Variants in USH2A observed in about 807,000 individuals in gnomAD.
USH2A encodes usherin.
A neutral mutation model predicts 538.9 loss-of-function variants in USH2A; 443 were observed. That is an observed-to-expected ratio of 0.82 (90% CI 0.76 to 0.89). The LOEUF is 0.89. Ranked by LOEUF, USH2A falls within the 40% of genes least tolerant of loss-of-function variation. The pLI is 0.00. For synonymous variants in USH2A, 2,413 were observed against 2,273.5 expected (o/e 1.06, Z -1.75); for missense variants, 6,633 against 6,324.8 (o/e 1.05, Z -1.65).
intron 58 of USH2A, among the ~76,000 whole-genome samples, chr1:215,744,105 T>A (rs80150232): frequency 1.3e-5 from 2 of 152,338 alleles, no homozygotes; most frequent in African/African-American, 4.8e-5. Flanking sequence ...CCAATTTTGC[T>A]TGTGACAATA....
chr1:215,764,699 C>T (rs1284826000), intron 56 of USH2A, among the ~76,000 whole-genome samples: 5 of 151,962 alleles, frequency 3.3e-5, no homozygotes, highest in Admixed American at 6.6e-5. Flanking sequence ...TGATGTACTT[C>T]GAAAATGGCA....
chr1:216,200,234 T>G lies in USH2A; in HGVS notation c.3317-113A>C, dbSNP rs141911640. On this transcript the variant is annotated intron_variant, in intron 16 of 71. Transcript: ENST00000307340. Reference sequence around the variant, plus strand: ...AATTACATAAACTATACCAATCTACTCTTTTGATTAAGGATACATTTCATA... The same window carrying G: ...AATTACATAAACTATACCAATCTACGCTTTTGATTAAGGATACATTTCATA... 9.9e-6 allele frequency: 11 copies of G among 1,109,678 alleles called. No homozygotes were observed. The East Asian group carries it at 2.6e-4, about 26-fold the overall frequency. 68.7% of individuals were successfully genotyped at this position (1,109,678 alleles called of 1,614,324 possible).
chr1:215,637,245 G>A (rs762467301), intron 69 of USH2A, among the ~76,000 whole-genome samples: 2 of 152,086 alleles, frequency 1.3e-5, no homozygotes, highest in African/African-American at 4.8e-5. Context: ...TTGGTTTTCC[G>A]GCATCACTCA....
intron 21 of USH2A, among the ~76,000 whole-genome samples, chr1:216,153,872 C>T (rs1397234280): frequency 6.6e-6 from 1 of 152,196 alleles, no homozygotes; most frequent in Non-Finnish European, 1.5e-5. Context: ...CCACTCAACA[C>T]ATTTTAAGTG....
At chr1:215,820,017 A>C (rs1662968816) in intron 47 of USH2A, among the ~76,000 whole-genome samples, 2 of 151,790 alleles carry the variant, frequency 1.3e-5, no homozygotes, top group African/African-American at 4.8e-5. Flanking sequence ...TAGAAGGAAC[A>C]TTCTTCAATC....
intron 32 of USH2A, among the ~76,000 whole-genome samples, chr1:216,012,301 T>C (rs1271595584): frequency 6.6e-6 from 1 of 152,074 alleles, no homozygotes; most frequent in Non-Finnish European, 1.5e-5. Flanking sequence ...TTCCATCTGC[T>C]ATTCTACTAC....
intron 58 of USH2A, among the ~76,000 whole-genome samples, chr1:215,756,424 A>G (rs1454239163): frequency 6.6e-6 from 1 of 152,232 alleles, no homozygotes; most frequent in Non-Finnish European, 1.5e-5. Flanking sequence ...CTTCCCAGTC[A>G]TATGGCAAAG....
chr1:216,408,144 T>C (rs2039427106), intron 3 of USH2A, among the ~76,000 whole-genome samples: 1 of 152,178 alleles, frequency 6.6e-6, no homozygotes, highest in Non-Finnish European at 1.5e-5. Flanking sequence ...TGTTTAAATG[T>C]TAATTTATTC....
chr1:215,659,033 A>T (rs77974197), intron 64 of USH2A, among the ~76,000 whole-genome samples: 2,299 of 152,302 alleles, frequency 0.015, 35 homozygotes, highest in Non-Finnish European at 0.025. Flanking sequence ...CTGTTCTATG[A>T]GCTGGGGATA....
chr1:216,111,127 G>A (rs1168616371), intron 21 of USH2A, among the ~76,000 whole-genome samples: 8 of 152,196 alleles, frequency 5.3e-5, no homozygotes, highest in Admixed American at 4.6e-4. Context: ...AGGAGGTTGC[G>A]GCAAGGTAAA....
chr1:216,058,189 A>G (rs1023048362), intron 30 of USH2A, among the ~76,000 whole-genome samples: 4 of 149,420 alleles, frequency 2.7e-5, no homozygotes, highest in Non-Finnish European at 5.9e-5. Context: ...GCCTATGAAC[A>G]TCCCGCCTCT....
intron 50 of USH2A, among the ~76,000 whole-genome samples, chr1:215,796,263 G>A (rs1662131829): frequency 6.7e-6 from 1 of 150,096 alleles, no homozygotes; most frequent in Admixed American, 6.7e-5. Context: ...TGCAGAGACT[G>A]CATTTTTTTA....
intron 64 of USH2A, among the ~76,000 whole-genome samples, chr1:215,665,288 C>A (rs1178494261): frequency 6.6e-6 from 1 of 152,186 alleles, no homozygotes; most frequent in African/African-American, 2.4e-5. Context: ...AGTTCAGACC[C>A]CATGCCATGA....
chr1:216,288,034 G>A (rs1221126755), intron 11 of USH2A, among the ~76,000 whole-genome samples: 1 of 152,138 alleles, frequency 6.6e-6, no homozygotes, highest in Non-Finnish European at 1.5e-5. Flanking sequence ...TACAGAGCCT[G>A]TAATGAGAGT....
chr1:215,793,634 A>AC (rs1473862372), intron 50 of USH2A, among the ~76,000 whole-genome samples: 1 of 152,148 alleles, frequency 6.6e-6, no homozygotes, highest in African/African-American at 2.4e-5. Flanking sequence ...CCACCCTTAC[A>AC]CCATGGACTT....
intron 61 of USH2A, among the ~76,000 whole-genome samples, chr1:215,717,511 A>G (rs1406683381): frequency 6.6e-6 from 1 of 152,184 alleles, no homozygotes; most frequent in Non-Finnish European, 1.5e-5. Flanking sequence ...ACCATGCATG[A>G]CAAAATGATT....
chr1:216,285,370 T>C (rs2036861507), intron 11 of USH2A, among the ~76,000 whole-genome samples: 2 of 152,208 alleles, frequency 1.3e-5, no homozygotes, highest in Admixed American at 1.3e-4. Context: ...AGCTTCCACA[T>C]GGTGTTGGGC....
intron 58 of USH2A, 102 bp downstream of exon 58, chr1:215,758,493 T>C: frequency 7.0e-7 from 1 of 1,425,692 alleles, no homozygotes; most frequent in Non-Finnish European, 9.7e-7. Flanking sequence ...GGAGACCGAC[T>C]ATGTCTTTCT....
rs763232931 is a variant in USH2A, at chr1:215,867,028, C to T, written c.8824G>A (p.Asp2942Asn). Residue 2942 changes from aspartate to asparagine, a missense_variant, in exon 44 of 72, where the codon GAC becomes AAC. Physicochemically the swap from Asp to Asn is conservative, Grantham distance 23 (BLOSUM62 1). Coordinates refer to ENST00000307340, the MANE Select transcript of USH2A (RefSeq NM_206933.4). ...TASVLNHTAIDVRWAKPTVQD... is the reference protein window; with the variant it reads ...TASVLNHTAINVRWAKPTVQD... Reference sequence around the variant, plus strand: ...TTACTTGGTTTAGCCCACCTCACGTCGATGGCTGTGTGGTTAAGGACACTC... The same window carrying T: ...TTACTTGGTTTAGCCCACCTCACGTTGATGGCTGTGTGGTTAAGGACACTC... 8 of 1,613,988 alleles carry T rather than the reference C, an allele frequency of 5.0e-6. No homozygotes were observed. The highest frequency in any genetic ancestry group is 4.4e-5 in the South Asian group (4 of 91,086).
Sources: gnomAD v4.1 joint callset for allele counts (sites outside exome capture counted in the v4.1 genomes callset) on GRCh38, gnomAD v4.1.1 for gene constraint, MANE v1.5 for transcripts, NCBI Gene and HGNC (gene_info 2026-07-23, HGNC 2026-07-21) for gene names.